COMMD1: variants seen among roughly 807,000 people sequenced by gnomAD.
COMMD1 encodes the protein copper metabolism domain containing 1.
Under a neutral mutation model 17.2 loss-of-function variants are expected in COMMD1, and 10 were observed. The ratio of observed to expected loss-of-function variants is 0.58; its 90% CI spans 0.36 to 0.99. COMMD1 has a LOEUF of 0.99. COMMD1 is among the 50% of genes least tolerant of loss of function. COMMD1 has a pLI of 0.01. For synonymous variants in COMMD1, 97 were observed against 91.6 expected (o/e 1.06, Z -0.34); for missense variants, 270 against 231.8 (o/e 1.17, Z -1.07).
At chr2:62,074,893 T>TC (rs1434444904) in intron 2 of COMMD1, among the ~76,000 whole-genome samples, 1 of 149,022 alleles carries the variant, frequency 6.7e-6, no homozygotes, top group African/African-American at 2.5e-5. Context: ...GTTTTTTTTT[T>TC]TTTTTTTTTT....
chr2:62,097,754 G>T (rs1672051368), intron 2 of COMMD1, among the ~76,000 whole-genome samples: 1 of 152,162 alleles, frequency 6.6e-6, no homozygotes, highest in South Asian at 2.1e-4. Flanking sequence ...TTACTCCAAG[G>T]GAGAGGGTTT....
chr2:61,929,318 C>T (rs971662391), intron 1 of COMMD1, among the ~76,000 whole-genome samples: 6 of 152,172 alleles, frequency 3.9e-5, no homozygotes, highest in South Asian at 2.1e-4. Context: ...CTTCTTTGGG[C>T]GTTCCCGGCT....
chr2:62,047,471 TC>T (rs1488578897), intron 2 of COMMD1, among the ~76,000 whole-genome samples: 7 of 149,274 alleles, frequency 4.7e-5, no homozygotes, highest in Non-Finnish European at 1.0e-4. Flanking sequence ...TTTCTTCCTT[TC>T]TTTTTTTTTT....
chr2:61,888,517 C>T (rs772187437), upstream of COMMD1: 5 of 1,610,432 alleles, frequency 3.1e-6, no homozygotes, highest in South Asian at 3.3e-5. Flanking sequence ...TGGCAAACTC[C>T]GCTGTGTCTG....
At chr2:62,100,255 G>C (rs757395869) in intron 2 of COMMD1, 3 of 152,192 alleles carry the variant, frequency 2.0e-5, no homozygotes, top group Admixed American at 2.0e-4. Flanking sequence ...ACCTTAGCTA[G>C]GGTTTTAGGC....
At chr2:62,044,574 C>T (rs951021390) in intron 2 of COMMD1, among the ~76,000 whole-genome samples, 1 of 152,132 alleles carries the variant, frequency 6.6e-6, no homozygotes, top group African/African-American at 2.4e-5. Context: ...AAAAAAGCTT[C>T]CTGCTTTTAT....
chr2:62,126,761 C>T (rs1042527191), intron 2 of COMMD1, among the ~76,000 whole-genome samples: 3 of 152,148 alleles, frequency 2.0e-5, no homozygotes, highest in Admixed American at 6.5e-5. Context: ...GACAAACCCA[C>T]AGCCAATATC....
intron 2 of COMMD1, among the ~76,000 whole-genome samples, chr2:62,016,342 G>C (rs1669448723): frequency 6.6e-6 from 1 of 150,970 alleles, no homozygotes; most frequent in Admixed American, 6.6e-5. Flanking sequence ...CTGAGTAGCT[G>C]GGACTACAGG....
chr2:62,064,519 GCTCATGTGATCT>G (rs1343903552), intron 2 of COMMD1, among the ~76,000 whole-genome samples: 1 of 152,046 alleles, frequency 6.6e-6, no homozygotes, highest in Non-Finnish European at 1.5e-5. Flanking sequence ...TTGATTGAGA[GCTCATGTGATCT>G]CTTTGTTATC....
intron 2 of COMMD1, among the ~76,000 whole-genome samples, chr2:62,041,092 A>G (rs1376887580): frequency 1.3e-5 from 2 of 152,220 alleles, no homozygotes; most frequent in East Asian, 3.9e-4. Flanking sequence ...TTATCAGTCC[A>G]TGCCACCAGA....
At chr2:62,058,060 A>G (rs958694383) in intron 2 of COMMD1, among the ~76,000 whole-genome samples, 2 of 152,162 alleles carry the variant, frequency 1.3e-5, no homozygotes, top group East Asian at 3.8e-4. Flanking sequence ...TAATTTCATT[A>G]TGCTCAGAGA....
At chr2:61,997,653 G>T (rs956854540) in intron 1 of COMMD1, among the ~76,000 whole-genome samples, 1 of 152,148 alleles carries the variant, frequency 6.6e-6, no homozygotes, top group Non-Finnish European at 1.5e-5. Context: ...TGCTGTTTAG[G>T]CTTTGTTGTT....
intron 2 of COMMD1, among the ~76,000 whole-genome samples, chr2:62,082,798 G>C (rs1466917131): frequency 6.6e-6 from 1 of 152,152 alleles, no homozygotes; most frequent in Non-Finnish European, 1.5e-5. Flanking sequence ...TTTGAACATA[G>C]ATTGGTTGGT....
intron 1 of COMMD1, among the ~76,000 whole-genome samples, chr2:61,923,746 A>G (rs889273447): frequency 7.2e-5 from 11 of 152,104 alleles, no homozygotes; most frequent in Non-Finnish European, 1.5e-4. Context: ...ACATAAGCTC[A>G]GATTTATATT....
At chr2:61,930,293 C>T (rs960956626) in intron 1 of COMMD1, among the ~76,000 whole-genome samples, 1 of 152,176 alleles carries the variant, frequency 6.6e-6, no homozygotes, top group South Asian at 2.1e-4. Flanking sequence ...CATGGTGGCT[C>T]ATGCCTGTAA....
chr2:61,968,943 G>A (rs1671574509), intron 1 of COMMD1: 1 of 273,158 alleles, frequency 3.7e-6, no homozygotes, highest in Non-Finnish European at 7.4e-6. Context: ...TCTTTATTTA[G>A]TCTTTTTTTT....
chr2:61,929,797 G>A (rs565069079), intron 1 of COMMD1, among the ~76,000 whole-genome samples: 1 of 152,228 alleles, frequency 6.6e-6, no homozygotes, highest in East Asian at 1.9e-4. Context: ...GGTGGTGCAT[G>A]TCTGTAGTCC....
chr2:62,095,045 C>T lies in COMMD1; in HGVS notation c.463-40786C>T, dbSNP rs566653927. Among the ~76,000 whole-genome samples the T allele has an allele frequency of 7.9e-5, 12 of 152,308 alleles. No individual in the cohort carries two copies. The South Asian group carries it at 1.2e-3, about 16-fold the overall frequency. On this transcript the variant is annotated intron_variant, in intron 2 of 2. Transcript: ENST00000311832. ...GCTCACTTGTATCATTCTAGCCTTT[C>T]GGAACTAATTTCCCCATACACATGT... is the stretch of plus-strand genomic sequence containing the variant.
intron 1 of COMMD1, among the ~76,000 whole-genome samples, chr2:61,969,956 A>T (rs1671602469): frequency 6.6e-6 from 1 of 152,094 alleles, no homozygotes; most frequent in Non-Finnish European, 1.5e-5. Flanking sequence ...ATTTCCAAGC[A>T]GAATGAGAAT....
Sources: allele counts gnomAD v4.1 joint callset (sites outside exome capture counted in the v4.1 genomes callset), GRCh38; gene constraint gnomAD v4.1.1; transcripts MANE v1.5; gene names NCBI Gene and HGNC (gene_info 2026-07-23, HGNC 2026-07-21).